SAFB: variants seen among roughly 807,000 people sequenced by gnomAD.
SAFB encodes scaffold attachment factor B1.
In SAFB, 15 loss-of-function variants were observed where a neutral mutation model predicts 101.6. That is an observed-to-expected ratio of 0.15 (90% CI 0.10 to 0.23). The LOEUF is 0.23. Among genes scored for constraint, SAFB ranks in the 10% least tolerant of loss-of-function variants. SAFB has a pLI of 1.00. For missense variants in SAFB, 930 were observed against 1,104.1 expected (o/e 0.84, Z 2.23); for synonymous variants, 449 against 407.5 (o/e 1.10, Z -1.23).
At chr19:5,632,457 T>G (rs1300162070) in intron 2 of SAFB, among the ~76,000 whole-genome samples, 2 of 152,208 alleles carry the variant, frequency 1.3e-5, no homozygotes, top group Non-Finnish European at 2.9e-5. Context: ...GATGTCCAGA[T>G]CAGGAAATTA....
chr19:5,661,369 C>G, intron 14 of SAFB, 149 bp from the exon 15 acceptor site: 1 of 1,410,120 alleles, frequency 7.1e-7, no homozygotes, highest in Non-Finnish European at 9.5e-7. Context: ...GCCCGAGAAG[C>G]CTTCTTCCCG....
intron 2 of SAFB, among the ~76,000 whole-genome samples, chr19:5,636,523 A>C (rs2053599620): frequency 1.3e-5 from 2 of 152,090 alleles, no homozygotes; most frequent in African/African-American, 4.8e-5. Context: ...TATCAGTTTG[A>C]TAGTCCCCTA....
At chr19:5,633,037 C>G (rs1181508331) in intron 2 of SAFB, among the ~76,000 whole-genome samples, 1 of 152,204 alleles carries the variant, frequency 6.6e-6, no homozygotes, top group African/African-American at 2.4e-5. Context: ...TTCACAGTTA[C>G]ATTTGTGGGG....
At chr19:5,658,647 TC>T (rs1299964586) in intron 14 of SAFB, among the ~76,000 whole-genome samples, 1 of 136,132 alleles carries the variant, frequency 7.3e-6, no homozygotes, top group Non-Finnish European at 1.6e-5. Flanking sequence ...ATCGAGACCA[TC>T]CTGGCTAACA....
At chr19:5,650,841 C>T in intron 8 of SAFB, 137 bp from the exon 9 acceptor site, 1 of 606,886 alleles carries the variant, frequency 1.6e-6, no homozygotes, top group Non-Finnish European at 3.0e-6. Flanking sequence ...AGTGGTCAGG[C>T]CCACAGCCCC....
chr19:5,664,414 C>A lies in SAFB; in HGVS notation c.2309C>A (p.Ser770Ter). 6.2e-7 allele frequency: 1 copy of A among 1,613,406 alleles called. No homozygotes were observed. Among genetic ancestry groups the A allele is most frequent in the South Asian group, 1.1e-5 (1 of 91,042 alleles). ...CTTTTCAGGAGAGAAGGTTCAAGGT[C>A]AATGATGGGAGAACGAGAAGGACAG... is the stretch of plus-strand genomic sequence containing the variant. ...HSVDRREGSR[S>*]MMGEREGQHY... The change falls in exon 17 of 21, where the codon TCA becomes TAA. Residue 770 changes from serine to a stop codon, truncating the protein, a stop_gained. Coordinates refer to ENST00000588852, the MANE Select transcript of SAFB (RefSeq NM_001201338.2). LOFTEE classifies it high-confidence loss of function.
In SAFB at chr19:5,649,921, T is replaced by G. The variant is rs1213664856; in HGVS notation, c.1149-5T>G. On this transcript the variant is annotated splice_region_variant and splice_polypyrimidine_tract_variant and intron_variant, in intron 7 of 20. Transcript: ENST00000588852. Reference sequence around the variant, plus strand: ...TTGTGGAGTGACATTGTCTTTTGTCTCTAGTTCTCCCGAAGATGACTCGGA... The same window carrying G: ...TTGTGGAGTGACATTGTCTTTTGTCGCTAGTTCTCCCGAAGATGACTCGGA... The G allele has an allele frequency of 6.2e-7, 1 of 1,613,190 alleles. No individual in the cohort carries two copies. Among genetic ancestry groups the G allele is most frequent in the Non-Finnish European group, 8.5e-7 (1 of 1,179,238 alleles).
rs373606363 is a variant in SAFB, at chr19:5,667,146, G to A, written c.2435G>A (p.Gly812Glu). The change falls in exon 18 of 21, where the codon GGG becomes GAG. Residue 812 changes from glycine to glutamate, a missense_variant. Physicochemically the swap from Gly to Glu is moderately conservative, Grantham distance 98. This residue lies in a region of SAFB where 318 missense variants were observed against 342.6 expected (regional missense o/e 0.93). Transcript: ENST00000588852. This position sits in a 1 kb window ranked among gnomAD's most constrained non-coding sequence, Gnocchi z 4.0. Reference protein sequence around the residue: ...GSDKRMSEGRGLPPPPRGRRD... With the variant: ...GSDKRMSEGRELPPPPRGRRD... ...GACAAGAGGATGAGCGAGGGCCGGG[G>A]GCTGCCTCCTCCCCCCAGGTTTGTG... 1.9e-6 allele frequency: 3 copies of A among 1,600,908 alleles called. No individual in the cohort carries two copies. The African/African-American group carries it at 4.0e-5, about 21-fold the overall frequency.
intron 5 of SAFB, among the ~76,000 whole-genome samples, chr19:5,646,955 C>T (rs920467297): frequency 5.3e-5 from 8 of 152,192 alleles, no homozygotes; most frequent in Non-Finnish European, 2.9e-5. Context: ...TGTCTGGTCA[C>T]AGTCTGTTAC....
In SAFB at chr19:5,667,146, G is replaced by C. The variant is rs373606363; in HGVS notation, c.2435G>C (p.Gly812Ala). Residue 812 changes from glycine (G) to alanine (A), a missense_variant, in exon 18 of 21, where the codon GGG (glycine) becomes GCG (alanine). Gly to Ala is a moderately conservative substitution (Grantham distance 60, BLOSUM62 0). Transcript: ENST00000588852. The surrounding 1 kb of genome is among the most constrained non-coding windows in gnomAD (Gnocchi z 4.0). ...GSDKRMSEGR[G>A]LPPPPRGRRD... ...GACAAGAGGATGAGCGAGGGCCGGG[G>C]GCTGCCTCCTCCCCCCAGGTTTGTG... 4.4e-6 allele frequency: 7 copies of C among 1,601,026 alleles called. No individual in the cohort carries two copies. The African/African-American group carries it at 9.4e-5, about 21-fold the overall frequency.
At chr19:5,623,761 A>T (rs1187337960) in intron 1 of SAFB, among the ~76,000 whole-genome samples, 1 of 151,744 alleles carries the variant, frequency 6.6e-6, no homozygotes, top group Non-Finnish European at 1.5e-5. Context: ...GACTCGGCCA[A>T]GGTCACACGG....
At position 5,667,073 on chromosome 19, in the gene SAFB, G is replaced by C; in HGVS notation, c.2362G>C (p.Glu788Gln). The C allele has an allele frequency of 6.2e-7, 1 of 1,611,828 alleles. No individual in the cohort carries two copies. ...TTACCCAGAACGCCATGGAGGACCA[G>C]AGCGCCACGGCCGGGACTCCCGCGA... is the stretch of plus-strand genomic sequence containing the variant. ...QHYPERHGGP[E>Q]RHGRDSRDGW... Residue 788 changes from glutamate to glutamine, a missense_variant, in exon 18 of 21, where the codon GAG (glutamate) becomes CAG (glutamine). By Grantham distance (29) the Glu-to-Gln change is conservative (BLOSUM62 2). Around this residue, in one of 7 missense-constraint regions of SAFB, gnomAD observed 318 missense variants for 342.6 expected, o/e 0.93. Transcript: ENST00000588852. This position sits in a 1 kb window ranked among gnomAD's most constrained non-coding sequence, Gnocchi z 4.0.
chr19:5,652,342 C>T (rs2145456239), intron 9 of SAFB, among the ~76,000 whole-genome samples: 1 of 152,306 alleles, frequency 6.6e-6, no homozygotes, highest in South Asian at 2.1e-4. Context: ...TCCATGGCGT[C>T]CCCCAGCGGG....
chr19:5,653,542 C>T (rs2053987590), intron 11 of SAFB, 122 bp downstream of exon 11: 2 of 787,184 alleles, frequency 2.5e-6, no homozygotes, highest in Non-Finnish European at 4.1e-6. Context: ...TCTCGGCTCA[C>T]CTCAACTCCA....
At chr19:5,650,872 A>G (rs2053923954) in intron 8 of SAFB, 106 bp from the exon 9 acceptor site, 2 of 740,196 alleles carry the variant, frequency 2.7e-6, no homozygotes, top group Non-Finnish European at 4.6e-6. Flanking sequence ...TAGTGCTGCC[A>G]CTGCCTCAGG....
At chr19:5,647,059 C>T (rs2053841983) in intron 5 of SAFB, among the ~76,000 whole-genome samples, 1 of 152,206 alleles carries the variant, frequency 6.6e-6, no homozygotes, top group Non-Finnish European at 1.5e-5. Context: ...GTGCCTGGAA[C>T]CTAGTCAGTG....
Position 5,662,026 on chromosome 19 carries a change from A to G in SAFB, c.2153+218A>G, listed in dbSNP as rs572732627. 2.0e-5 allele frequency among the ~76,000 whole-genome samples: 3 copies of G among 152,154 alleles called. 1 individual carries two copies. Among genetic ancestry groups the G allele is most frequent in the Non-Finnish European group, 1.5e-5 (1 of 67,998 alleles). The stretch of plus-strand genomic sequence containing the variant: ...CAGCCTCCCGAGTAGCTGGGACTAC[A>G]GGCGTTTGCCACCTCTCCCGGCTAA... On this transcript the variant is annotated intron_variant, in intron 15 of 20. Transcript: ENST00000588852.
chr19:5,647,745 A>G (rs538627857), intron 5 of SAFB, among the ~76,000 whole-genome samples: 1 of 152,304 alleles, frequency 6.6e-6, no homozygotes, highest in African/African-American at 2.4e-5. Context: ...TTCAATCTAG[A>G]GGGTCAGGCG....
chr19:5,630,756 A>G (rs1201397018), intron 2 of SAFB, among the ~76,000 whole-genome samples: 2 of 150,150 alleles, frequency 1.3e-5, no homozygotes, highest in Non-Finnish European at 3.0e-5. Context: ...CTTCGTCTCA[A>G]AAAAAAAAAA....
Sources: allele counts gnomAD v4.1 joint callset (sites outside exome capture counted in the v4.1 genomes callset), GRCh38; gene constraint gnomAD v4.1.1; regional missense constraint gnomAD v4.1.1; non-coding constraint Gnocchi (gnomAD v3.1); transcripts MANE v1.5; gene names NCBI Gene and HGNC (gene_info 2026-07-23, HGNC 2026-07-21).